Variants in ZNF730 observed in about 807,000 individuals in gnomAD.
The protein encoded by ZNF730 is putative zinc finger protein 730.
In ZNF730, 12 loss-of-function variants were observed where a neutral mutation model predicts 12.6. That is an observed-to-expected ratio of 0.95 (90% CI 0.61 to 1.54). The LOEUF is 1.54. Ranked by LOEUF, ZNF730 falls within the 40% of genes most tolerant of loss-of-function variation. The pLI, the probability that ZNF730 is intolerant of heterozygous loss-of-function variation, is 0.00. For missense variants in ZNF730, 643 were observed against 583.5 expected (o/e 1.10, Z -1.05); for synonymous variants, 194 against 195.8 (o/e 0.99, Z 0.08).
intron 1 of ZNF730, among the ~76,000 whole-genome samples, chr19:23,080,847 C>CTTTTTT (rs552923947): frequency 4.8e-5 from 6 of 125,068 alleles, no homozygotes; most frequent in Non-Finnish European, 8.2e-5. Context: ...TTTTTCTTTT[C>CTTTTTT]TTTTTTTTTT....
At chr19:23,137,689 A>G (rs1405511304) in intron 3 of ZNF730, among the ~76,000 whole-genome samples, 1 of 152,218 alleles carries the variant, frequency 6.6e-6, no homozygotes, top group African/African-American at 2.4e-5. Context: ...ACACCTCTTC[A>G]GGTTTTTATA....
intron 1 of ZNF730, among the ~76,000 whole-genome samples, chr19:23,078,442 T>A (rs569283386): frequency 2.0e-5 from 3 of 152,252 alleles, no homozygotes; most frequent in African/African-American, 7.2e-5. Context: ...TGTTTATGTA[T>A]GTGCACATCA....
At chr19:23,135,237 A>T (rs1249888445) in intron 2 of ZNF730, among the ~76,000 whole-genome samples, 18 of 116,814 alleles carry the variant, frequency 1.5e-4, no homozygotes, top group Non-Finnish European at 3.0e-4. Context: ...AAAAAAAAAA[A>T]AAAAAAAAAA....
intron 3 of ZNF730, among the ~76,000 whole-genome samples, chr19:23,137,850 C>T (rs1970855084): frequency 6.6e-6 from 1 of 152,134 alleles, no homozygotes; most frequent in South Asian, 2.1e-4. Flanking sequence ...TTACAAGGGG[C>T]TTGGGTAGTT....
At chr19:23,098,967 ACT>A (rs1170756549) in intron 1 of ZNF730, among the ~76,000 whole-genome samples, 7 of 152,198 alleles carry the variant, frequency 4.6e-5, no homozygotes, top group Non-Finnish European at 2.9e-5. Flanking sequence ...GAGAATTAAT[ACT>A]CTCGCATATT....
At chr19:23,134,356 C>T (rs1970791924) in intron 2 of ZNF730, 150 bp downstream of exon 2, 3 of 633,912 alleles carry the variant, frequency 4.7e-6, no homozygotes, top group Admixed American at 8.4e-5. Flanking sequence ...GCCCCTCTGC[C>T]CGGCCAGCCG....
intron 3 of ZNF730, among the ~76,000 whole-genome samples, chr19:23,140,132 T>A (rs1312949037): frequency 6.6e-6 from 1 of 152,098 alleles, no homozygotes; most frequent in African/African-American, 2.4e-5. Flanking sequence ...TGGCACATCT[T>A]ATATATTTTT....
upstream of ZNF730, among the ~76,000 whole-genome samples, chr19:23,116,451 G>A (rs1252193484): frequency 6.6e-6 from 1 of 150,410 alleles, no homozygotes; most frequent in Non-Finnish European, 1.5e-5. Flanking sequence ...TCTGTCACCA[G>A]GCTGGAGTTC....
At chr19:23,098,160 G>A (rs1970284328) in intron 1 of ZNF730, among the ~76,000 whole-genome samples, 1 of 151,004 alleles carries the variant, frequency 6.6e-6, no homozygotes, top group South Asian at 2.1e-4. Flanking sequence ...AAAAAAAAAA[G>A]AAGGTATTGC....
chr19:23,135,880 A>G lies in ZNF730; in HGVS notation c.131-68A>G, dbSNP rs888660679. ...TAGAATATTCCATTACATTCTCTTT[A>G]CTGAGAGCATTACTAAGTTGGTAAT... On this transcript the variant is annotated intron_variant, in intron 2 of 3. Transcript: ENST00000597761. 4.3e-6 allele frequency: 6 copies of G among 1,383,032 alleles called. No homozygotes were observed. In the African/African-American group the frequency reaches 7.3e-5, roughly 17 times the overall value. 85.7% of individuals were successfully genotyped at this position (1,383,032 alleles called of 1,614,324 possible). A position where few individuals can be genotyped will look rare whatever the true frequency, so the allele number is the denominator to read the frequency against.
rs554437182 is a variant in ZNF730 at position 23,100,462 on chromosome 19, C to T, written c.-94+25075C>T. 3.9e-5 allele frequency: 6 copies of T among 152,238 alleles called. 1 individual carries two copies. In the South Asian group the frequency reaches 1.2e-3, roughly 32 times the overall value. 9.4% of individuals were successfully genotyped at this position (152,238 alleles called of 1,614,324 possible). A position where few individuals can be genotyped will look rare whatever the true frequency, so the allele number is the denominator to read the frequency against. On this transcript the variant is annotated intron_variant, in intron 1 of 2. Transcript: ENST00000593635. ...CAGAGAATGTCATAACAGGGCTCCT[C>T]ACACAGGTGAGATCGTGTTCTATAC...
chr19:23,086,060 G>T (rs1472117211), intron 1 of ZNF730, among the ~76,000 whole-genome samples: 1 of 151,828 alleles, frequency 6.6e-6, no homozygotes, highest in Non-Finnish European at 1.5e-5. Context: ...GGCCAGGCTG[G>T]TCTGGAATTC....
intron 1 of ZNF730, among the ~76,000 whole-genome samples, chr19:23,082,350 A>AT (rs59303508): frequency 0.16 from 23,676 of 146,072 alleles, 1,861 homozygotes; most frequent in Non-Finnish European, 0.18. Context: ...AAATAGCAGA[A>AT]TTTTTTTTTT....
At chr19:23,120,996 A>G (rs1223085521) in intron 1 of ZNF730, among the ~76,000 whole-genome samples, 3 of 152,186 alleles carry the variant, frequency 2.0e-5, no homozygotes, top group Non-Finnish European at 2.9e-5. Flanking sequence ...TTTCCATGTA[A>G]TTGTATAATT....
intron 1 of ZNF730, among the ~76,000 whole-genome samples, chr19:23,129,760 G>A (rs992504778): frequency 3.9e-5 from 6 of 151,992 alleles, no homozygotes; most frequent in South Asian, 4.2e-4. Context: ...TTGGGAGGCC[G>A]AGACGGGTGG....
intron 1 of ZNF730, among the ~76,000 whole-genome samples, chr19:23,109,283 G>A (rs1297921463): frequency 1.3e-5 from 2 of 151,670 alleles, no homozygotes; most frequent in African/African-American, 2.4e-5. Flanking sequence ...AGGCTGGAGT[G>A]CAGTGGTGCA....
At chr19:23,104,701 C>A (rs1970371964) in intron 1 of ZNF730, among the ~76,000 whole-genome samples, 1 of 152,140 alleles carries the variant, frequency 6.6e-6, no homozygotes, top group Non-Finnish European at 1.5e-5. Context: ...TTTGTTTTAA[C>A]CAAGGCTTTG....
At chr19:23,094,352 C>T (rs1336811871) in intron 1 of ZNF730, among the ~76,000 whole-genome samples, 1 of 141,956 alleles carries the variant, frequency 7.0e-6, no homozygotes, top group African/African-American at 2.8e-5. Flanking sequence ...GCCACCATGC[C>T]TGGCTCTATC....
At chr19:23,111,671 C>G (rs1406584596) in intron 1 of ZNF730, among the ~76,000 whole-genome samples, 5 of 151,928 alleles carry the variant, frequency 3.3e-5, no homozygotes, top group Non-Finnish European at 2.9e-5. Context: ...ATTGCTTGAA[C>G]CCAGGAGGCG....
Sources: allele counts gnomAD v4.1 joint callset (sites outside exome capture counted in the v4.1 genomes callset), GRCh38; gene constraint gnomAD v4.1.1; transcripts MANE v1.5; gene names NCBI Gene and HGNC (gene_info 2026-07-23, HGNC 2026-07-21).